Variants in LARP1B observed in about 807,000 individuals in gnomAD.
LARP1B encodes la-related protein 1B.
Under a neutral mutation model 114.2 loss-of-function variants are expected in LARP1B, and 76 were observed. The observed-to-expected ratio is 0.67, with a 90% CI of 0.55 to 0.81. The LOEUF (loss-of-function observed/expected upper bound fraction) is 0.81, where lower values mean the gene tolerates loss of function less well. Ranked by LOEUF, LARP1B falls within the 30% of genes least tolerant of loss-of-function variation. The probability of loss-of-function intolerance (pLI) is 0.00; values close to 1 mark genes in which losing one functional copy is unlikely to be tolerated. For missense variants in LARP1B, 1,014 were observed against 1,075.8 expected, an observed-to-expected ratio of 0.94 and a Z score of 0.80; for synonymous variants, 345 against 348.0, an observed-to-expected ratio of 0.99 and a Z score of 0.10.
intron 11 of LARP1B, among the ~76,000 whole-genome samples, chr4:128,159,691 A>G (rs1248317722): frequency 6.6e-6 from 1 of 152,318 alleles, no homozygotes; most frequent in African/African-American, 2.4e-5. Flanking sequence ...TCAAATGGCT[A>G]AATTTTGAGA....
At chr4:128,136,184 T>G (rs1580860178) in intron 11 of LARP1B, among the ~76,000 whole-genome samples, 2 of 151,724 alleles carry the variant, frequency 1.3e-5, no homozygotes, top group African/African-American at 4.8e-5. Context: ...TCCCAGCTAC[T>G]TGGGAGGCTG....
At chr4:128,156,580 C>A (rs1735776182) in intron 11 of LARP1B, among the ~76,000 whole-genome samples, 1 of 152,086 alleles carries the variant, frequency 6.6e-6, no homozygotes, top group South Asian at 2.1e-4. Context: ...AACCCTACCC[C>A]CGTGACAGAA....
intron 11 of LARP1B, among the ~76,000 whole-genome samples, chr4:128,157,562 GAAAAC>G (rs1479001388): frequency 6.6e-6 from 1 of 151,994 alleles, no homozygotes; most frequent in Non-Finnish European, 1.5e-5. Flanking sequence ...TAAAACAACT[GAAAAC>G]AAAAGCTGGA....
chr4:128,167,044 A>G (rs2150503853), intron 12 of LARP1B, among the ~76,000 whole-genome samples: 1 of 150,820 alleles, frequency 6.6e-6, no homozygotes, highest in South Asian at 2.1e-4. Flanking sequence ...GTACGTATAT[A>G]TACACACACA....
chr4:128,084,224 C>T (rs1438727742), intron 5 of LARP1B, among the ~76,000 whole-genome samples: 2 of 152,130 alleles, frequency 1.3e-5, no homozygotes, highest in South Asian at 2.1e-4. Context: ...GACGGGGTGG[C>T]GGCCGGGCAG....
chr4:128,163,519 C>T (rs1022748644), intron 12 of LARP1B, among the ~76,000 whole-genome samples: 1 of 152,096 alleles, frequency 6.6e-6, no homozygotes, highest in African/African-American at 2.4e-5. Context: ...TTAATCATTA[C>T]GTCTTACCTT....
chr4:128,207,019 T>TTG (rs1363196071), intron 18 of LARP1B, among the ~76,000 whole-genome samples: 2 of 152,220 alleles, frequency 1.3e-5, no homozygotes, highest in African/African-American at 4.8e-5. Flanking sequence ...ATCTTTTGGG[T>TTG]TGTATATGGT....
chr4:128,077,678 G>C, intron 3 of LARP1B, 110 bp from the exon 4 acceptor site: 1 of 1,187,322 alleles, frequency 8.4e-7, no homozygotes, highest in Non-Finnish European at 1.1e-6. Context: ...TTTGATAACA[G>C]TTTTTGTCAT....
In LARP1B at chr4:128,079,890, C is replaced by T. The variant is rs151323343; in HGVS notation, c.217+1928C>T. 7.4e-3 allele frequency among the ~76,000 whole-genome samples: 1,119 copies of T among 152,008 alleles called. 15 individuals are homozygous for T. The highest frequency in any genetic ancestry group is 0.031 in the Admixed American group (474 of 15,246). On this transcript the variant is annotated intron_variant, in intron 4 of 19. Transcript: ENST00000326639. ...TCCTCATTTCTTAACTACTTCGTCACTTAACTGTTCCCTGCTTCCTACATA... is the reference window on the plus strand; with the variant it reads ...TCCTCATTTCTTAACTACTTCGTCATTTAACTGTTCCCTGCTTCCTACATA...
intron 10 of LARP1B, among the ~76,000 whole-genome samples, chr4:128,117,220 T>G (rs1786181511): frequency 1.3e-5 from 2 of 151,548 alleles, no homozygotes; most frequent in African/African-American, 4.9e-5. Context: ...TTTTTTTTTT[T>G]TGAGACAGAG....
chr4:128,193,778 A>C (rs530503933), intron 15 of LARP1B, among the ~76,000 whole-genome samples: 28 of 151,220 alleles, frequency 1.9e-4, no homozygotes, highest in African/African-American at 6.8e-4. Flanking sequence ...CACCACGCCC[A>C]GCTAATTTTT....
intron 1 of LARP1B, among the ~76,000 whole-genome samples, chr4:128,068,123 A>G (rs971538748): frequency 1.3e-5 from 2 of 151,640 alleles, no homozygotes; most frequent in African/African-American, 4.8e-5. Flanking sequence ...CTCGTGATCC[A>G]CCCGCCTCGG....
At chr4:128,162,371 A>T in intron 12 of LARP1B, 54 bp downstream of exon 12, 1 of 1,465,006 alleles carries the variant, frequency 6.8e-7, no homozygotes, top group Non-Finnish European at 9.2e-7. Flanking sequence ...GCAGTTCTGA[A>T]TTGTTTTTAA....
intron 15 of LARP1B, among the ~76,000 whole-genome samples, chr4:128,191,078 C>A (rs1412253423): frequency 1.3e-5 from 2 of 150,666 alleles, no homozygotes; most frequent in Admixed American, 1.3e-4. Flanking sequence ...GCCTGTAATC[C>A]ATTTTTCAGA....
intron 11 of LARP1B, among the ~76,000 whole-genome samples, chr4:128,154,398 T>A (rs1168304242): frequency 6.6e-6 from 1 of 152,198 alleles, no homozygotes; most frequent in African/African-American, 2.4e-5. Context: ...ATTTCTCTGT[T>A]TTTCTTAATT....
At chr4:128,150,924 A>G (rs1049390841) in intron 11 of LARP1B, among the ~76,000 whole-genome samples, 4 of 152,186 alleles carry the variant, frequency 2.6e-5, no homozygotes, top group Non-Finnish European at 2.9e-5. Flanking sequence ...TTCTAGTCAG[A>G]CCAATATGAG....
At chr4:128,112,982 A>G (rs1234386141) in intron 9 of LARP1B, among the ~76,000 whole-genome samples, 1 of 152,208 alleles carries the variant, frequency 6.6e-6, no homozygotes, top group African/African-American at 2.4e-5. Flanking sequence ...TCTTAAACCC[A>G]TTCTTGAAAT....
chr4:128,118,661 C>T (rs921748308), intron 10 of LARP1B, among the ~76,000 whole-genome samples: 2 of 151,968 alleles, frequency 1.3e-5, no homozygotes, highest in African/African-American at 4.8e-5. Context: ...CTTGATAGAT[C>T]ATCTAAATAC....
intron 10 of LARP1B, among the ~76,000 whole-genome samples, chr4:128,115,059 T>C (rs1785332507): frequency 6.6e-6 from 1 of 152,010 alleles, no homozygotes; most frequent in South Asian, 2.1e-4. Context: ...TGCCCTGGCC[T>C]CCTGAGTAGC....
Sources: allele counts gnomAD v4.1 joint callset (sites outside exome capture counted in the v4.1 genomes callset), GRCh38; gene constraint gnomAD v4.1.1; transcripts MANE v1.5; gene names NCBI Gene and HGNC (gene_info 2026-07-23, HGNC 2026-07-21).